Variants in OTOGL observed in about 807,000 individuals in gnomAD.
The protein encoded by OTOGL is otogelin-like protein.
Under a neutral mutation model 318.5 loss-of-function variants are expected in OTOGL, and 285 were observed. The observed-to-expected ratio is 0.89, with a 90% CI of 0.81 to 0.99. The LOEUF (loss-of-function observed/expected upper bound fraction) is 0.99. OTOGL is among the 50% of genes least tolerant of loss of function. OTOGL has a pLI of 0.00. For synonymous variants in OTOGL, 987 were observed against 936.5 expected (o/e 1.05, Z -0.99); for missense variants, 2,899 against 2,845.6 (o/e 1.02, Z -0.43).
chr12:80,310,874 T>A (rs1318684878), intron 30 of OTOGL, 147 bp downstream of exon 30: 8 of 591,410 alleles, frequency 1.4e-5, no homozygotes, highest in Non-Finnish European at 2.3e-5. Flanking sequence ...TGTGTTAGTT[T>A]GTTTTTCTGT....
chr12:80,116,464 T>C (rs1020272786), intron 1 of OTOGL, among the ~76,000 whole-genome samples: 8 of 152,124 alleles, frequency 5.3e-5, no homozygotes, highest in Non-Finnish European at 8.8e-5. Context: ...TTGGTATCCC[T>C]GGGAACTGCA....
In OTOGL at chr12:80,263,244, C is replaced by T. The variant is rs76263188; in HGVS notation, c.2014+1151C>T. Among the ~76,000 whole-genome samples the T allele has an allele frequency of 5.9e-5, 9 of 152,006 alleles. No individual in the cohort carries two copies. In the East Asian group the frequency reaches 7.7e-4, roughly 13 times the overall value. Reference sequence around the variant, plus strand: ...TAACAATACCTTCCTCCATTCTGTCCCCAACTTTCAACTAATCTACTCCTC... The same window carrying T: ...TAACAATACCTTCCTCCATTCTGTCTCCAACTTTCAACTAATCTACTCCTC... On this transcript the variant is annotated intron_variant, in intron 19 of 58. Transcript: ENST00000547103.
At chr12:80,116,340 G>A (rs993148737) in intron 1 of OTOGL, among the ~76,000 whole-genome samples, 8 of 151,846 alleles carry the variant, frequency 5.3e-5, no homozygotes, top group African/African-American at 9.7e-5. Flanking sequence ...AGGTGAGGTC[G>A]TGCCCCATCC....
intron 58 of OTOGL, among the ~76,000 whole-genome samples, chr12:80,377,548 A>G (rs1426119023): frequency 6.6e-6 from 1 of 152,152 alleles, no homozygotes; most frequent in Non-Finnish European, 1.5e-5. Context: ...GAGCCATGAT[A>G]TGACACAGGT....
At chr12:80,317,854 C>T (rs1031003543) in intron 32 of OTOGL, among the ~76,000 whole-genome samples, 1 of 152,122 alleles carries the variant, frequency 6.6e-6, no homozygotes, top group African/African-American at 2.4e-5. Flanking sequence ...ACTGTTTCTG[C>T]TCAGCTCCAC....
At chr12:80,182,578 T>C (rs1473051230) in intron 1 of OTOGL, among the ~76,000 whole-genome samples, 1 of 152,182 alleles carries the variant, frequency 6.6e-6, no homozygotes, top group Non-Finnish European at 1.5e-5. Context: ...TAGGTGGCTT[T>C]TCCAGGGTAG....
rs180945157 is a variant in OTOGL, at chr12:80,378,855, G to T, written c.*807G>T. 6.6e-6 allele frequency: 1 copy of T among 152,042 alleles called. No individual in the cohort carries two copies. The highest frequency in any genetic ancestry group is 2.4e-5 in the African/African-American group (1 of 41,400). The allele number at this position is 152,042 out of a possible 1,614,324, so 9.4% of individuals were successfully genotyped here. ...TTGTTATTCCAATAGTAAGGAGCAG[G>T]GAAATATAGCATCATTTGCTAAATA... On this transcript the variant is annotated 3_prime_UTR_variant, in exon 59 of 59. Coordinates refer to ENST00000547103, the MANE Select transcript of OTOGL (RefSeq NM_001378609.3).
chr12:80,210,622 G>A (rs544969708), intron 2 of OTOGL, among the ~76,000 whole-genome samples: 2 of 152,164 alleles, frequency 1.3e-5, no homozygotes, highest in South Asian at 4.1e-4. Flanking sequence ...GTTGCATGGT[G>A]TCTCTGTGTA....
rs1472712086 is a variant in OTOGL, at chr12:80,313,477, T to C, written c.3452T>C (p.Ile1151Thr). The C allele has an allele frequency of 1.9e-6, 3 of 1,604,866 alleles. No individual in the cohort carries two copies. Among genetic ancestry groups the C allele is most frequent in the Admixed American group, 3.3e-5 (2 of 59,880 alleles). Residue 1151 changes from isoleucine (I) to threonine (T), a missense_variant and splice_region_variant, in exon 31 of 59, where the codon ATT (isoleucine) becomes ACT (threonine). Ile to Thr is a moderately conservative substitution (Grantham distance 89). Coordinates refer to ENST00000547103, the MANE Select transcript of OTOGL (RefSeq NM_001378609.3). The stretch of plus-strand genomic sequence containing the variant: ...GTAATCTTTCACCTCATTTTTCAGA[T>C]TGACGTTACTTCTTTTGCCAAAAAT... ...SDIFASCRNV[I>T]DVTSFAKNCH...
chr12:80,353,545 T>G (rs1303236726), intron 46 of OTOGL, 35 bp downstream of exon 46: 1 of 1,363,832 alleles, frequency 7.3e-7, no homozygotes, highest in Non-Finnish European at 9.7e-7. Flanking sequence ...TTCTCAGGAA[T>G]CCGGCAAACA....
At chr12:80,252,851 T>C (rs1039883305) in intron 13 of OTOGL, among the ~76,000 whole-genome samples, 2 of 152,184 alleles carry the variant, frequency 1.3e-5, no homozygotes, top group African/African-American at 4.8e-5. Flanking sequence ...GTCTGAGCTG[T>C]TTGTGACCTG....
rs372794623 is a variant in OTOGL, at chr12:80,257,307, G to GTT, written c.1712-506_1712-505dup. On this transcript the variant is annotated intron_variant, in intron 17 of 58. Coordinates refer to ENST00000547103, the MANE Select transcript of OTOGL (RefSeq NM_001378609.3). ...GTTTTTAAGGAGGTTTTAAGGTGAA[G>GTT]TTTTTTTTTTTTTGGTACATGACTA... 3.6e-3 allele frequency among the ~76,000 whole-genome samples: 535 copies of GTT among 147,302 alleles called. 1 individual carries two copies. Among genetic ancestry groups the GTT allele is most frequent in the Admixed American group, 4.0e-3 (59 of 14,780 alleles).
rs1357413004 is a variant in OTOGL, at chr12:80,347,216, C to T, written c.5265+5054C>T. Among the ~76,000 whole-genome samples, 9 of 151,788 alleles carry T rather than the reference C, an allele frequency of 5.9e-5. 1 individual carries two copies. The highest frequency in any genetic ancestry group is 4.2e-4 in the South Asian group (2 of 4,818). On this transcript the variant is annotated intron_variant, in intron 44 of 58. Coordinates refer to ENST00000547103, the MANE Select transcript of OTOGL (RefSeq NM_001378609.3). ...CAGGTTTGTTATATAGGTATACAAG[C>T]GCCACGGTGGTTTGCTGCACCCAAC...
intron 1 of OTOGL, among the ~76,000 whole-genome samples, chr12:80,125,462 G>A: frequency 6.6e-6 from 1 of 152,108 alleles, no homozygotes; most frequent in Non-Finnish European, 1.5e-5. Flanking sequence ...GAGGATTTTT[G>A]CATCGATGTT....
intron 44 of OTOGL, among the ~76,000 whole-genome samples, chr12:80,345,075 T>C (rs1889085027): frequency 9.4e-6 from 1 of 106,734 alleles, no homozygotes; most frequent in East Asian, 2.2e-4. Flanking sequence ...TATTATAATA[T>C]ATATTATTAT....
chr12:80,243,963 A>T (rs1360004165), intron 11 of OTOGL, among the ~76,000 whole-genome samples: 1 of 150,520 alleles, frequency 6.6e-6, no homozygotes, highest in African/African-American at 2.4e-5. Context: ...AGGCTTCAAC[A>T]TTCCACCAGT....
At chr12:80,161,424 G>C (rs1873509852) in intron 1 of OTOGL, among the ~76,000 whole-genome samples, 1 of 151,928 alleles carries the variant, frequency 6.6e-6, no homozygotes. Flanking sequence ...GAGTAGAAGA[G>C]TAACTTAAAT....
intron 11 of OTOGL, among the ~76,000 whole-genome samples, chr12:80,249,997 G>A (rs148537746): frequency 0.066 from 10,061 of 152,044 alleles, 459 homozygotes; most frequent in Middle Eastern, 0.11. Flanking sequence ...CTTCCCAGGT[G>A]AGGCAATGCC....
intron 1 of OTOGL, among the ~76,000 whole-genome samples, chr12:80,127,151 A>T (rs1197000406): frequency 6.6e-6 from 1 of 152,094 alleles, no homozygotes; most frequent in Admixed American, 6.6e-5. Context: ...GGTCTTTACA[A>T]TTTGGCATGT....
Sources: allele counts gnomAD v4.1 joint callset (sites outside exome capture counted in the v4.1 genomes callset), GRCh38; gene constraint gnomAD v4.1.1; transcripts MANE v1.5; gene names NCBI Gene and HGNC (gene_info 2026-07-23, HGNC 2026-07-21).